ZNF618: variants seen among roughly 807,000 people sequenced by gnomAD.
ZNF618 encodes neural precursor cell expressed, developmentally down-regulated 10.
In ZNF618, 34 loss-of-function variants were observed where a neutral mutation model predicts 103.0. That is an observed-to-expected ratio of 0.33 (90% CI 0.25 to 0.44). The LOEUF (loss-of-function observed/expected upper bound fraction) is 0.44. ZNF618 is among the 20% of genes least tolerant of loss of function. The probability of loss-of-function intolerance (pLI) is 1.00; values close to 1 mark genes in which losing one functional copy is unlikely to be tolerated. For missense variants in ZNF618, 1,059 were observed against 1,295.4 expected, an observed-to-expected ratio of 0.82 and a Z score of 2.80; for synonymous variants, 551 against 542.2, an observed-to-expected ratio of 1.02 and a Z score of -0.23.
chr9:114,020,506 C>G (rs895477218), intron 10 of ZNF618, among the ~76,000 whole-genome samples: 1 of 152,172 alleles, frequency 6.6e-6, no homozygotes, highest in African/African-American at 2.4e-5. Context: ...GCAGTTTGTA[C>G]TTTTCAGAGA....
intron 1 of ZNF618, among the ~76,000 whole-genome samples, chr9:113,916,412 A>C (rs1832082670): frequency 6.6e-6 from 1 of 152,152 alleles, no homozygotes; most frequent in South Asian, 2.1e-4. Flanking sequence ...CCAAAAACTT[A>C]AGAAGAGCCT....
intron 5 of ZNF618, 77 bp downstream of exon 5, chr9:114,002,150 G>C (rs1055079009): frequency 7.4e-7 from 1 of 1,355,526 alleles, no homozygotes; most frequent in East Asian, 2.3e-5. Flanking sequence ...TGGGCCCCTC[G>C]TGGGTGACCC....
intron 1 of ZNF618, among the ~76,000 whole-genome samples, chr9:113,921,000 AC>A (rs1458610075): frequency 6.6e-6 from 1 of 152,214 alleles, no homozygotes; most frequent in Non-Finnish European, 1.5e-5. Flanking sequence ...GCTAGCATGC[AC>A]GCTCCATCAG....
At chr9:113,900,801 ACCT>A in intron 1 of ZNF618, among the ~76,000 whole-genome samples, 3 of 101,674 alleles carry the variant, frequency 3.0e-5, no homozygotes, top group African/African-American at 4.1e-5. Context: ...CGCAAACCCG[ACCT>A]CCTGTCTCCT....
rs534378837 is a variant in ZNF618, at chr9:113,980,829, C to T, written c.78-7492C>T. Among the ~76,000 whole-genome samples, 7 of 152,220 alleles carry T rather than the reference C, an allele frequency of 4.6e-5. No individual in the cohort carries two copies. The South Asian group carries it at 8.3e-4, about 18-fold the overall frequency. On this transcript the variant is annotated intron_variant, in intron 2 of 14. Transcript: ENST00000374126. ...AGAGGCTGCTGCTAGAGGCAGAGTCCGACGGGGACTGAGAAGGGACCACTG... is the reference window on the plus strand; with the variant it reads ...AGAGGCTGCTGCTAGAGGCAGAGTCTGACGGGGACTGAGAAGGGACCACTG...
chr9:114,021,497 C>T (rs1843060030), intron 10 of ZNF618, among the ~76,000 whole-genome samples: 1 of 151,998 alleles, frequency 6.6e-6, no homozygotes, highest in Non-Finnish European at 1.5e-5. Flanking sequence ...TAGCAGAATG[C>T]CTATATTTAA....
At chr9:114,046,682 G>A (rs1254312680) in intron 13 of ZNF618, among the ~76,000 whole-genome samples, 1 of 152,152 alleles carries the variant, frequency 6.6e-6, no homozygotes, top group Non-Finnish European at 1.5e-5. Flanking sequence ...GGTTCTGGTA[G>A]ATGCTCTTTA....
chr9:113,911,961 A>G (rs1279807347), intron 1 of ZNF618, among the ~76,000 whole-genome samples: 1 of 152,176 alleles, frequency 6.6e-6, no homozygotes, highest in East Asian at 1.9e-4. Context: ...CTTTAGTGTT[A>G]GCTTGTCCTA....
intron 1 of ZNF618, among the ~76,000 whole-genome samples, chr9:113,926,331 A>T (rs1411729190): frequency 6.6e-6 from 1 of 151,914 alleles, no homozygotes; most frequent in Non-Finnish European, 1.5e-5. Context: ...CTGCAATTTG[A>T]GTATGATACG....
At chr9:114,023,549 T>C (rs2134072001) in intron 10 of ZNF618, among the ~76,000 whole-genome samples, 1 of 152,272 alleles carries the variant, frequency 6.6e-6, no homozygotes, top group Non-Finnish European at 1.5e-5. Context: ...TTTACTTATT[T>C]TCCATTTTGT....
At chr9:113,888,155 C>T (rs2130947379) in intron 1 of ZNF618, among the ~76,000 whole-genome samples, 1 of 152,306 alleles carries the variant, frequency 6.6e-6, no homozygotes, top group Admixed American at 6.5e-5. Context: ...ATATTCTAAG[C>T]TCACAACACC....
chr9:113,970,302 C>T (rs138296534), intron 2 of ZNF618, among the ~76,000 whole-genome samples: 2 of 152,168 alleles, frequency 1.3e-5, no homozygotes, highest in East Asian at 3.9e-4. Flanking sequence ...AAGATATTGA[C>T]ATTCTCTGAG....
At chr9:113,938,862 A>G (rs573476686) in intron 1 of ZNF618, among the ~76,000 whole-genome samples, 2 of 152,222 alleles carry the variant, frequency 1.3e-5, no homozygotes, top group African/African-American at 2.4e-5. Context: ...GAGCCACCAC[A>G]TCCGTTCCGT....
intron 1 of ZNF618, among the ~76,000 whole-genome samples, chr9:113,897,457 T>C (rs1830129140): frequency 6.6e-6 from 1 of 152,222 alleles, no homozygotes; most frequent in East Asian, 1.9e-4. Context: ...ATTTGAGGCT[T>C]ATTCCAGCCT....
At chr9:113,979,949 T>C (rs138906914) in intron 2 of ZNF618, among the ~76,000 whole-genome samples, 44 of 152,124 alleles carry the variant, frequency 2.9e-4, no homozygotes, top group African/African-American at 9.6e-4. Flanking sequence ...GAAAGGGAGA[T>C]TGGCTGTGAG....
intron 1 of ZNF618, among the ~76,000 whole-genome samples, chr9:113,938,169 T>TG (rs755348706): frequency 7.1e-6 from 1 of 141,480 alleles, no homozygotes; most frequent in Non-Finnish European, 1.5e-5. Context: ...GCTCCTGTTT[T>TG]TTTTTTTTTT....
intron 1 of ZNF618, among the ~76,000 whole-genome samples, chr9:113,948,258 G>T (rs1427792526): frequency 6.6e-6 from 1 of 152,218 alleles, no homozygotes; most frequent in Non-Finnish European, 1.5e-5. Context: ...AAACCAGGCA[G>T]AACTGATTCC....
intron 1 of ZNF618, among the ~76,000 whole-genome samples, chr9:113,968,428 T>C (rs1369661473): frequency 6.6e-6 from 1 of 152,182 alleles, no homozygotes. Context: ...GTAGTGAAGA[T>C]CTAGGTATTG....
At position 114,050,350 on chromosome 9, in the gene ZNF618, G is replaced by A. The variant is rs1205925367; in HGVS notation, c.*183G>A. On this transcript the variant is annotated 3_prime_UTR_variant, in exon 15 of 15. Transcript: ENST00000374126. ...TGTGCGTGTATGTACACAGCCACAC[G>A]TGTGTGCACGTGTCTGAACACGTGC... 1.4e-5 allele frequency: 9 copies of A among 663,682 alleles called. No homozygotes were observed. Among genetic ancestry groups the A allele is most frequent in the African/African-American group, 3.6e-5 (2 of 54,872 alleles). 41.1% of individuals were successfully genotyped at this position (663,682 alleles called of 1,614,324 possible).
Sources: gnomAD v4.1 joint callset for allele counts (sites outside exome capture counted in the v4.1 genomes callset) on GRCh38, gnomAD v4.1.1 for gene constraint, MANE v1.5 for transcripts, NCBI Gene and HGNC (gene_info 2026-07-23, HGNC 2026-07-21) for gene names.